Variants in SUGCT observed in about 807,000 individuals in gnomAD.
SUGCT encodes succinyl-CoA:glutarate-CoA transferase, also known as succinyl-CoA:glutarate CoA-transferase.
A neutral mutation model predicts 55.0 loss-of-function variants in SUGCT; 41 were observed. That is an observed-to-expected ratio of 0.74 (90% confidence interval 0.58 to 0.97). The LOEUF (loss-of-function observed/expected upper bound fraction) is 0.97, where lower values mean the gene tolerates loss of function less well. Among genes scored for constraint, SUGCT ranks in the 50% least tolerant of loss-of-function variants. SUGCT has a pLI of 0.00. For synonymous variants in SUGCT, 187 were observed against 200.4 expected, an observed-to-expected ratio of 0.93 and a Z score of 0.56; for missense variants, 568 against 547.8, an observed-to-expected ratio of 1.04 and a Z score of -0.37.
chr7:40,807,422 G>C (rs144990388), intron 13 of SUGCT, among the ~76,000 whole-genome samples: 1 of 152,122 alleles, frequency 6.6e-6, no homozygotes, highest in East Asian at 1.9e-4. Context: ...GTAGAGAAGA[G>C]GTTTCCACAG....
chr7:40,350,280 A>AT (rs1441921094), intron 9 of SUGCT, among the ~76,000 whole-genome samples: 2 of 7,594 alleles, frequency 2.6e-4, no homozygotes, highest in Non-Finnish European at 9.4e-4. Context: ...ACTATATCTT[A>AT]TTTATTTATT....
At position 40,712,465 on chromosome 7, in the gene SUGCT, G is replaced by A. The variant is rs117415826; in HGVS notation, c.1090-36969G>A. Among the ~76,000 whole-genome samples, 700 of 152,310 alleles carry A rather than the reference G, an allele frequency of 4.6e-3. 2 individuals carry two copies. Among genetic ancestry groups the A allele is most frequent in the Non-Finnish European group, 7.4e-3 (502 of 68,036 alleles). On this transcript the variant is annotated intron_variant, in intron 12 of 13. Coordinates refer to ENST00000335693, the MANE Select transcript of SUGCT (RefSeq NM_001193313.2). ...TTTTCACCATAATTTGTTATGGGAT[G>A]TTGTGCAAACCTCCTGGAACATAAT...
At chr7:40,190,252 ACTTT>A (rs1785805164) in intron 5 of SUGCT, among the ~76,000 whole-genome samples, 4 of 151,982 alleles carry the variant, frequency 2.6e-5, no homozygotes, top group South Asian at 2.1e-4. Context: ...AATAGTACCT[ACTTT>A]CTTTCTTTTT....
At chr7:40,587,471 CATATA>C (rs1170213871) in intron 12 of SUGCT, among the ~76,000 whole-genome samples, 2 of 152,088 alleles carry the variant, frequency 1.3e-5, no homozygotes, top group Admixed American at 6.5e-5. Flanking sequence ...ATATACAACA[CATATA>C]ATAGAAAAAT....
At chr7:40,550,793 T>C (rs935645471) in intron 12 of SUGCT, among the ~76,000 whole-genome samples, 2 of 152,216 alleles carry the variant, frequency 1.3e-5, no homozygotes, top group African/African-American at 4.8e-5. Flanking sequence ...TCTCATTGTG[T>C]CTTTTGAGGT....
At chr7:40,464,555 T>C (rs1406969414) in intron 11 of SUGCT, among the ~76,000 whole-genome samples, 1 of 152,202 alleles carries the variant, frequency 6.6e-6, no homozygotes, top group African/African-American at 2.4e-5. Context: ...AGAAAAAAAG[T>C]ACAGATGGTC....
chr7:40,963,415 A>G, the SUGCT span, among the ~76,000 whole-genome samples: 1 of 152,278 alleles, frequency 6.6e-6, no homozygotes. Flanking sequence ...TTGGGTATTA[A>G]ACTCCAATTG....
At chr7:40,313,389 G>A (rs1372344328) in intron 8 of SUGCT, among the ~76,000 whole-genome samples, 4 of 152,090 alleles carry the variant, frequency 2.6e-5, no homozygotes, top group Non-Finnish European at 5.9e-5. Flanking sequence ...AATTGCCCAG[G>A]AAACCTCTGA....
intron 6 of SUGCT, among the ~76,000 whole-genome samples, chr7:40,229,350 C>T (rs1167749937): frequency 2.0e-5 from 3 of 152,042 alleles, no homozygotes; most frequent in Non-Finnish European, 2.9e-5. Flanking sequence ...GAAACCCTGT[C>T]TCTACTAAAA....
At chr7:40,845,854 A>G (rs1422356357) in intron 13 of SUGCT, among the ~76,000 whole-genome samples, 1 of 152,198 alleles carries the variant, frequency 6.6e-6, no homozygotes. Context: ...AAGATGGTTG[A>G]TATAAGACTA....
chr7:40,997,516 C>T, the SUGCT span, among the ~76,000 whole-genome samples: 1 of 152,186 alleles, frequency 6.6e-6, no homozygotes, highest in Admixed American at 6.5e-5. Context: ...TGCACACACA[C>T]ACACCTGCTG....
chr7:40,313,462 A>G (rs1328759168), intron 8 of SUGCT, among the ~76,000 whole-genome samples: 1 of 152,210 alleles, frequency 6.6e-6, no homozygotes, highest in Non-Finnish European at 1.5e-5. Flanking sequence ...GCCTTAAAAT[A>G]CATCCCTGTA....
At chr7:40,246,917 G>A (rs1320551586) in intron 7 of SUGCT, among the ~76,000 whole-genome samples, 1 of 152,064 alleles carries the variant, frequency 6.6e-6, no homozygotes, top group African/African-American at 2.4e-5. Context: ...GGCTTGTAAT[G>A]TTCATTCAAT....
chr7:40,695,057 C>T (rs1784859742), intron 12 of SUGCT, among the ~76,000 whole-genome samples: 1 of 152,112 alleles, frequency 6.6e-6, no homozygotes, highest in Non-Finnish European at 1.5e-5. Flanking sequence ...AGGGGTATTA[C>T]AATTGCCATC....
chr7:40,275,972 A>T (rs1296650639), intron 8 of SUGCT, among the ~76,000 whole-genome samples: 1 of 152,214 alleles, frequency 6.6e-6, no homozygotes, highest in African/African-American at 2.4e-5. Context: ...GGGAAAAACT[A>T]CTTTCTAGAC....
chr7:40,331,026 C>A (rs1199022973), intron 9 of SUGCT, among the ~76,000 whole-genome samples: 1 of 151,938 alleles, frequency 6.6e-6, no homozygotes, highest in African/African-American at 2.4e-5. Flanking sequence ...TGTCTTGGGC[C>A]ACACATAAAA....
At chr7:41,036,134 C>T in the SUGCT span, among the ~76,000 whole-genome samples, 2 of 152,112 alleles carry the variant, frequency 1.3e-5, no homozygotes, top group Non-Finnish European at 2.9e-5. Flanking sequence ...ATTATAGAGG[C>T]TCAAACAAAT....
chr7:40,423,444 C>A lies in SUGCT; in HGVS notation c.817-25843C>A, dbSNP rs570956645. Among the ~76,000 whole-genome samples, 8 of 152,124 alleles carry A rather than the reference C, an allele frequency of 5.3e-5. No individual in the cohort carries two copies. In the East Asian group the frequency reaches 1.5e-3, roughly 29 times the overall value. ...AGAATATATTTATCAATTTAAGTAA[C>A]CAAAAGCTATTATATAACTTTGCTT... On this transcript the variant is annotated intron_variant, in intron 9 of 13. Coordinates refer to ENST00000335693, the MANE Select transcript of SUGCT (RefSeq NM_001193313.2).
chr7:40,907,128 TGTGTGTGTGTGTGA>T, the SUGCT span, among the ~76,000 whole-genome samples: 487 of 76,440 alleles, frequency 6.4e-3, 7 homozygotes, highest in Admixed American at 0.038. Flanking sequence ...TGTGTGTGTG[TGTGTGTGTGTGTGA>T]GAGAGAGAGA....
Sources: gnomAD v4.1 joint callset for allele counts (sites outside exome capture counted in the v4.1 genomes callset) on GRCh38, gnomAD v4.1.1 for gene constraint, MANE v1.5 for transcripts, NCBI Gene and HGNC (gene_info 2026-07-23, HGNC 2026-07-21) for gene names.